The following HIVEP1 variants were observed in gnomAD, a reference collection of about 807,000 sequenced individuals.
HIVEP1 encodes HIVEP zinc finger 1, also known as zinc finger protein 40.
A neutral mutation model predicts 180.0 loss-of-function variants in HIVEP1; 36 were observed. The ratio of observed to expected loss-of-function variants is 0.20; its 90% confidence interval spans 0.15 to 0.26. HIVEP1 has a LOEUF of 0.26. Among genes scored for constraint, HIVEP1 ranks in the 10% least tolerant of loss-of-function variants. The pLI, the probability that HIVEP1 is intolerant of heterozygous loss-of-function variation, is 1.00. For synonymous variants in HIVEP1, 1,239 were observed against 1,239.0 expected, an observed-to-expected ratio of 1.00 and a Z score of 0.00; for missense variants, 3,143 against 3,268.7, an observed-to-expected ratio of 0.96 and a Z score of 0.94.
the HIVEP1 span, among the ~76,000 whole-genome samples, chr6:12,187,779 T>G: frequency 2.0e-5 from 3 of 151,778 alleles, no homozygotes; most frequent in Non-Finnish European, 2.9e-5. Context: ...AGAGATGAGG[T>G]TTCACCATAT....
At chr6:12,209,808 A>G in the HIVEP1 span, among the ~76,000 whole-genome samples, 9 of 152,334 alleles carry the variant, frequency 5.9e-5, no homozygotes, top group East Asian at 1.7e-3. Flanking sequence ...TAAAATAAAA[A>G]TATTCCTGTG....
At position 12,164,778 on chromosome 6, in the gene HIVEP1, TAAATC is replaced by T. The variant is rs922743260; in HGVS notation, c.*322_*326del. On this transcript the variant is annotated 3_prime_UTR_variant, in exon 9 of 9. Coordinates refer to ENST00000379388, the MANE Select transcript of HIVEP1 (RefSeq NM_002114.4). Reference sequence around the variant, plus strand: ...TGTTTAGTAAGGAAAACCTGTCAAATAAATCAAATGATTAAATTATATGTTCCACT... The same window carrying T: ...TGTTTAGTAAGGAAAACCTGTCAAATAAATGATTAAATTATATGTTCCACT... The T allele has an allele frequency of 1.6e-5, 3 of 185,060 alleles. No homozygotes were observed. The highest frequency in any genetic ancestry group is 7.1e-5 in the African/African-American group (3 of 42,126). The allele number at this position is 185,060 out of a possible 1,614,324, so 11.5% of individuals were successfully genotyped here. A position where few individuals can be genotyped will look rare whatever the true frequency, so the allele number is the denominator to read the frequency against.
chr6:12,046,871 G>GTA (rs1554135011), intron 2 of HIVEP1, among the ~76,000 whole-genome samples: 1 of 151,588 alleles, frequency 6.6e-6, no homozygotes, highest in Non-Finnish European at 1.5e-5. Flanking sequence ...GTGTGTGTGT[G>GTA]TGTGTTTGAG....
chr6:12,161,305 C>T (rs369644802), intron 7 of HIVEP1, 134 bp from the exon 8 acceptor site: 13 of 814,234 alleles, frequency 1.6e-5, no homozygotes, highest in African/African-American at 6.8e-5. Context: ...TCAGCCAGGG[C>T]GGAGGCTCGT....
At chr6:12,169,684 G>A (rs1760846567), downstream of HIVEP1, among the ~76,000 whole-genome samples, 1 of 152,172 alleles carries the variant, frequency 6.6e-6, no homozygotes, top group African/African-American at 2.4e-5. Flanking sequence ...GTATTTTGAA[G>A]GAGGTATGGG....
At chr6:12,085,625 C>T (rs1441937743) in intron 2 of HIVEP1, among the ~76,000 whole-genome samples, 2 of 152,106 alleles carry the variant, frequency 1.3e-5, no homozygotes, top group South Asian at 2.1e-4. Flanking sequence ...ACACAGCATT[C>T]ATTGAACCAA....
chr6:12,129,666 T>C, intron 4 of HIVEP1, 93 bp from the exon 5 acceptor site: 1 of 1,014,550 alleles, frequency 9.9e-7, no homozygotes, highest in Non-Finnish European at 1.5e-6. Flanking sequence ...GACCATATGC[T>C]CTGTACTCTG....
intron 2 of HIVEP1, among the ~76,000 whole-genome samples, chr6:12,029,691 A>G (rs185693487): frequency 3.6e-4 from 55 of 152,122 alleles, no homozygotes; most frequent in Admixed American, 1.7e-3. Flanking sequence ...AAAATATAGA[A>G]ACTTTTCTCC....
chr6:12,010,587 C>G (rs749446), upstream of HIVEP1, among the ~76,000 whole-genome samples: 1 of 151,730 alleles, frequency 6.6e-6, no homozygotes, highest in Non-Finnish European at 1.5e-5. Context: ...AAAGGGGAAA[C>G]CAGTTTAGTT....
intron 3 of HIVEP1, among the ~76,000 whole-genome samples, chr6:12,115,416 A>G (rs1463994621): frequency 8.6e-6 from 1 of 115,860 alleles, no homozygotes; most frequent in Non-Finnish European, 1.6e-5. Flanking sequence ...GCTGTTCTTG[A>G]CTCCCTAACT....
chr6:12,096,729 C>T (rs1030660697), intron 3 of HIVEP1, among the ~76,000 whole-genome samples: 1 of 151,916 alleles, frequency 6.6e-6, no homozygotes, highest in African/African-American at 2.4e-5. Flanking sequence ...TTGCCAATGA[C>T]ACTCTTCCTT....
Position 12,120,933 on chromosome 6 carries a change from G to T in HIVEP1, c.1138G>T (p.Ala380Ser). ...PMPIYNSTHVASVVNQSVEQM... is the reference protein window; with the variant it reads ...PMPIYNSTHVSSVVNQSVEQM... Reference sequence around the variant, plus strand: ...GCCAATCTATAATTCAACTCATGTTGCCTCTGTTGTTAATCAAAGCGTAGA... The same window carrying T: ...GCCAATCTATAATTCAACTCATGTTTCCTCTGTTGTTAATCAAAGCGTAGA... The change falls in exon 4 of 9, where the codon GCC (alanine) becomes TCC (serine). Residue 380 changes from alanine to serine, a missense_variant. Coordinates refer to ENST00000379388, the MANE Select transcript of HIVEP1 (RefSeq NM_002114.4). 1 of 1,614,116 alleles carries T rather than the reference G, an allele frequency of 6.2e-7. No individual in the cohort carries two copies. The highest frequency in any genetic ancestry group is 8.5e-7 in the Non-Finnish European group (1 of 1,180,028).
At chr6:12,167,646 CATATATAT>C (rs1760748372), downstream of HIVEP1, among the ~76,000 whole-genome samples, 2 of 22,072 alleles carry the variant, frequency 9.1e-5, no homozygotes, top group Non-Finnish European at 1.4e-4. Context: ...TATACATATA[CATATATAT>C]GTTATATATA....
the HIVEP1 span, among the ~76,000 whole-genome samples, chr6:12,178,381 G>C: frequency 6.6e-6 from 1 of 152,166 alleles, no homozygotes; most frequent in Non-Finnish European, 1.5e-5. Flanking sequence ...ATGGGGCCAG[G>C]AGTTTGAGAC....
downstream of HIVEP1, among the ~76,000 whole-genome samples, chr6:12,168,366 AC>A (rs1463162097): frequency 1.5e-3 from 207 of 134,314 alleles, no homozygotes; most frequent in African/African-American, 5.3e-3. Context: ...TATATTATAT[AC>A]ATATACATGT....
At chr6:12,188,548 C>T in the HIVEP1 span, among the ~76,000 whole-genome samples, 1 of 151,884 alleles carries the variant, frequency 6.6e-6, no homozygotes, top group Non-Finnish European at 1.5e-5. Context: ...TGATAAGATA[C>T]GAAGCTAATA....
the HIVEP1 span, among the ~76,000 whole-genome samples, chr6:12,184,034 C>T: frequency 0.048 from 6,333 of 130,588 alleles, 331 homozygotes; most frequent in African/African-American, 0.17. Flanking sequence ...GACAGACAGA[C>T]AGACAGACAG....
At chr6:12,201,783 T>C in the HIVEP1 span, among the ~76,000 whole-genome samples, 1 of 152,380 alleles carries the variant, frequency 6.6e-6, no homozygotes, top group East Asian at 1.9e-4. Flanking sequence ...ATAACTCTTA[T>C]GTATATCCAA....
At position 12,123,663 on chromosome 6, in the gene HIVEP1, G is replaced by C. The variant is rs200922386; in HGVS notation, c.3868G>C (p.Glu1290Gln). Residue 1290 changes from glutamate (E) to glutamine (Q), a missense_variant, in exon 4 of 9, where the codon GAA becomes CAA. Glu to Gln is a conservative substitution (Grantham distance 29). This residue lies in a region of HIVEP1 where 1,357 missense variants were observed against 1,260.5 expected (regional missense o/e 1.08). Transcript: ENST00000379388. ...GAAAAGGCTCCGTCTGGCTGAGATA[G>C]AACATTCCTCAACAGAATCGAGCTT... ...KKKRLRLAEI[E>Q]HSSTESSFDS... 1.4e-4 allele frequency: 227 copies of C among 1,614,046 alleles called. No homozygotes were observed. The highest frequency in any genetic ancestry group is 1.8e-4 in the Non-Finnish European group (214 of 1,180,024).
Sources: gnomAD v4.1 joint callset for allele counts (sites outside exome capture counted in the v4.1 genomes callset) on GRCh38, gnomAD v4.1.1 for gene constraint, gnomAD v4.1.1 regional missense constraint, MANE v1.5 for transcripts, NCBI Gene and HGNC (gene_info 2026-07-23, HGNC 2026-07-21) for gene names.